The following LINGO3 variants were observed in gnomAD, a reference collection of about 807,000 sequenced individuals.
LINGO3 encodes leucine rich repeat and Ig domain containing 3.
For synonymous variants in LINGO3, 427 were observed against 444.2 expected (o/e 0.96, Z 0.49); for missense variants, 750 against 867.7 (o/e 0.86, Z 1.70).
At chr19:2,295,746 CATAA>C (rs1377904072), upstream of LINGO3, among the ~76,000 whole-genome samples, 1 of 152,074 alleles carries the variant, frequency 6.6e-6, no homozygotes, top group African/African-American at 2.4e-5. Flanking sequence ...TCAATAAATA[CATAA>C]ATAAATAAGG....
the LINGO3 span, among the ~76,000 whole-genome samples, chr19:2,302,820 C>T: frequency 8.5e-5 from 13 of 152,322 alleles, no homozygotes; most frequent in Non-Finnish European, 1.3e-4. Context: ...CGGTGGTGGA[C>T]GGGAGTGGGG....
chr19:2,305,374 TGGAA>T, the LINGO3 span, among the ~76,000 whole-genome samples: 1 of 152,086 alleles, frequency 6.6e-6, no homozygotes, highest in Non-Finnish European at 1.5e-5. Flanking sequence ...TTAATGGTCC[TGGAA>T]GCTCTTAGCT....
At chr19:2,300,776 A>G in the LINGO3 span, among the ~76,000 whole-genome samples, 1 of 151,834 alleles carries the variant, frequency 6.6e-6, no homozygotes, top group East Asian at 1.9e-4. Context: ...CCAACATTCA[A>G]CGCGCTCCTC....
At chr19:2,291,651 G>T in exon 1 of LINGO3, 1 of 1,410,916 alleles carries the variant, frequency 7.1e-7, no homozygotes, top group Non-Finnish European at 9.1e-7. Context: ...TCAGGCGGCG[G>T]CGCGTGCAGG....
downstream of LINGO3, among the ~76,000 whole-genome samples, chr19:2,288,431 A>G (rs2025485479): frequency 6.6e-6 from 1 of 152,234 alleles, no homozygotes. The surrounding 1 kb of genome is among the most constrained non-coding windows in gnomAD (Gnocchi z 6.5). Context: ...GGCCACGCTC[A>G]GGGCTTGTCT....
downstream of LINGO3, among the ~76,000 whole-genome samples, chr19:2,289,273 G>GTGTGTGTCCTGGGTGTGAGC (rs1338274094): frequency 2.0e-5 from 3 of 147,062 alleles, no homozygotes; most frequent in East Asian, 6.0e-4. Flanking sequence ...GGTGTGAGCT[G>GTGTGTGTCCTGGGTGTGAGC]TGTGTGTCCT....
chr19:2,294,070 T>C (rs1323870383), upstream of LINGO3, among the ~76,000 whole-genome samples: 4 of 152,090 alleles, frequency 2.6e-5, no homozygotes, highest in Non-Finnish European at 5.9e-5. This position sits in a 1 kb window ranked among gnomAD's most constrained non-coding sequence, Gnocchi z 4.3. Flanking sequence ...AAAAGGTATG[T>C]TCACGTCCTG....
upstream of LINGO3, among the ~76,000 whole-genome samples, chr19:2,292,651 G>A (rs943494716): frequency 5.9e-5 from 9 of 151,456 alleles, no homozygotes; most frequent in East Asian, 2.0e-4. Context: ...CACCACGTCC[G>A]GCTAATTTTT....
chr19:2,294,486 G>A (rs1416113165), upstream of LINGO3, among the ~76,000 whole-genome samples: 2 of 152,294 alleles, frequency 1.3e-5, no homozygotes, highest in East Asian at 1.9e-4. The surrounding 1 kb of genome is among the most constrained non-coding windows in gnomAD (Gnocchi z 4.3). Flanking sequence ...GAAACAGGCC[G>A]ACCCAAAAGT....
At chr19:2,287,476 G>A (rs754329805), downstream of LINGO3, among the ~76,000 whole-genome samples, 4 of 152,200 alleles carry the variant, frequency 2.6e-5, no homozygotes, top group Admixed American at 1.3e-4. This position sits in a 1 kb window ranked among gnomAD's most constrained non-coding sequence, Gnocchi z 4.5. Flanking sequence ...GGGGTTGCAC[G>A]AACTTCAGCC....
At chr19:2,289,885 C>A in exon 1 of LINGO3, 1 of 877,362 alleles carries the variant, frequency 1.1e-6, no homozygotes, top group South Asian at 1.8e-5. Context: ...AGGGGAAGTT[C>A]TGCCTGGGGA....
chr19:2,291,734 G>A, exon 1 of LINGO3: 1 of 1,348,462 alleles, frequency 7.4e-7, no homozygotes, highest in East Asian at 3.3e-5. Context: ...GCCGCGGGCA[G>A]CAGGAGCAGG....
chr19:2,302,060 G>GTT, the LINGO3 span, among the ~76,000 whole-genome samples: 19 of 71,728 alleles, frequency 2.6e-4, no homozygotes, highest in Admixed American at 4.8e-4. Context: ...TTTGTGGGTA[G>GTT]TTTTTTTTTT....
chr19:2,300,347 A>G, the LINGO3 span, among the ~76,000 whole-genome samples: 1 of 151,792 alleles, frequency 6.6e-6, no homozygotes, highest in African/African-American at 2.4e-5. Context: ...CTGATTCTTT[A>G]GGGGCCTCTG....
downstream of LINGO3, among the ~76,000 whole-genome samples, chr19:2,287,203 C>G (rs1308753183): frequency 2.0e-5 from 3 of 151,402 alleles, no homozygotes; most frequent in African/African-American, 7.3e-5. The surrounding 1 kb of genome is among the most constrained non-coding windows in gnomAD (Gnocchi z 4.5). Flanking sequence ...GGATTTGAAC[C>G]AAATACAGCA....
downstream of LINGO3, among the ~76,000 whole-genome samples, chr19:2,287,272 C>A (rs1411435155): frequency 1.3e-5 from 2 of 151,780 alleles, no homozygotes; most frequent in African/African-American, 4.8e-5. The surrounding 1 kb of genome is among the most constrained non-coding windows in gnomAD (Gnocchi z 4.5). Context: ...GTGGGGGGCT[C>A]AGGGGGCTGG....
chr19:2,290,174 A>G lies in LINGO3; in HGVS notation c.1603T>C (p.Cys535Arg), dbSNP rs760670608. ...AGGACCACGCCCAGGAAGGTGATGC[A>G]GCCCATGGCGGTGGACACCAGGATG... Residue 535 changes from cysteine (C) to arginine (R), a missense_variant, in exon 1 of 1, where the codon TGC (cysteine) becomes CGC (arginine). Coordinates refer to ENST00000585527, the Ensembl canonical transcript of LINGO3. The surrounding 1 kb of genome is among the most constrained non-coding windows in gnomAD (Gnocchi z 6.0). 7 of 1,612,306 alleles carry G rather than the reference A, an allele frequency of 4.3e-6. No homozygotes were observed. The highest frequency in any genetic ancestry group is 5.9e-6 in the Non-Finnish European group (7 of 1,179,620).
upstream of LINGO3, among the ~76,000 whole-genome samples, chr19:2,296,884 C>G (rs370454747): frequency 1.1e-4 from 16 of 151,388 alleles, no homozygotes; most frequent in East Asian, 8.1e-4. Flanking sequence ...GTCAGGAGAT[C>G]GAGACCATCC....
downstream of LINGO3, among the ~76,000 whole-genome samples, chr19:2,289,303 C>T (rs556473342): frequency 1.3e-5 from 2 of 150,958 alleles, no homozygotes; most frequent in Non-Finnish European, 3.0e-5. Flanking sequence ...CTGTGTGTCC[C>T]GGGTGTGAGT....
Sources: gnomAD v4.1 joint callset for allele counts (sites outside exome capture counted in the v4.1 genomes callset) on GRCh38, gnomAD v4.1.1 for gene constraint, Gnocchi (gnomAD v3.1) non-coding constraint, MANE v1.5 for transcripts, NCBI Gene and HGNC (gene_info 2026-07-23, HGNC 2026-07-21) for gene names.